AGTPBP1: variants seen among roughly 807,000 people sequenced by gnomAD.
AGTPBP1 encodes the protein ATP/GTP binding carboxypeptidase 1.
AGTPBP1 carries 70 observed loss-of-function variants against 143.9 expected under a neutral mutation model. The ratio of observed to expected loss-of-function variants is 0.49; its 90% CI spans 0.40 to 0.59. AGTPBP1 has a LOEUF of 0.59. AGTPBP1 is among the 20% of genes least tolerant of loss of function. The probability of loss-of-function intolerance (pLI) is 0.00; values close to 1 mark genes in which losing one functional copy is unlikely to be tolerated. For synonymous variants in AGTPBP1, 463 were observed against 500.2 expected, an observed-to-expected ratio of 0.93 and a Z score of 0.99; for missense variants, 1,229 against 1,464.5, an observed-to-expected ratio of 0.84 and a Z score of 2.62.
intron 25 of AGTPBP1, among the ~76,000 whole-genome samples, chr9:85,566,394 G>A (rs1277142968): frequency 6.6e-6 from 1 of 151,930 alleles, no homozygotes; most frequent in Non-Finnish European, 1.5e-5. Flanking sequence ...GCTGGGTGTG[G>A]TGGTATGTGC....
intron 8 of AGTPBP1, among the ~76,000 whole-genome samples, chr9:85,665,830 A>G (rs1834097872): frequency 6.6e-6 from 1 of 152,158 alleles, no homozygotes; most frequent in East Asian, 1.9e-4. Flanking sequence ...AGATATAGTC[A>G]AGTTTGGTGC....
At chr9:85,736,823 G>C (rs1275731780) in intron 1 of AGTPBP1, among the ~76,000 whole-genome samples, 1 of 152,172 alleles carries the variant, frequency 6.6e-6, no homozygotes, top group Non-Finnish European at 1.5e-5. Context: ...TATAAAACAA[G>C]AAAAAGCCAG....
chr9:85,650,970 T>C (rs1314851983), intron 11 of AGTPBP1, among the ~76,000 whole-genome samples: 1 of 152,224 alleles, frequency 6.6e-6, no homozygotes, highest in Non-Finnish European at 1.5e-5. Context: ...GAATAACACA[T>C]ACATATTTGC....
At chr9:85,668,975 G>A (rs879532517) in intron 8 of AGTPBP1, among the ~76,000 whole-genome samples, 3,473 of 67,000 alleles carry the variant, frequency 0.052, 106 homozygotes, top group African/African-American at 0.12. Flanking sequence ...ACATGTGTGT[G>A]TGTGTGTGTG....
chr9:85,689,580 T>G (rs1024135972), intron 3 of AGTPBP1, among the ~76,000 whole-genome samples: 1 of 152,130 alleles, frequency 6.6e-6, no homozygotes, highest in Admixed American at 6.6e-5. Flanking sequence ...TCTCTCTAAC[T>G]AGCATTTTTA....
the AGTPBP1 span, among the ~76,000 whole-genome samples, chr9:85,781,022 CAGG>C: frequency 6.6e-6 from 1 of 152,150 alleles, no homozygotes; most frequent in South Asian, 2.1e-4. Flanking sequence ...GAGGCGGAGG[CAGG>C]AGAATGGTGT....
intron 7 of AGTPBP1, among the ~76,000 whole-genome samples, chr9:85,671,101 C>T (rs1414989703): frequency 6.6e-6 from 1 of 151,640 alleles, no homozygotes; most frequent in Non-Finnish European, 1.5e-5. Flanking sequence ...ATCACCACAA[C>T]TAGCCAATTT....
chr9:85,726,224 T>G (rs1172192090), intron 1 of AGTPBP1, among the ~76,000 whole-genome samples: 1 of 133,178 alleles, frequency 7.5e-6, no homozygotes, highest in African/African-American at 2.8e-5. Context: ...AACAAGACTC[T>G]GTCTCAAAAA....
chr9:85,625,776 T>C (rs535960581), intron 14 of AGTPBP1, among the ~76,000 whole-genome samples: 130 of 151,764 alleles, frequency 8.6e-4, no homozygotes, highest in African/African-American at 3.1e-3. Flanking sequence ...TCCCAGCTAC[T>C]TGGGAGGCTG....
At chr9:85,758,461 A>G in the AGTPBP1 span, among the ~76,000 whole-genome samples, 7 of 152,174 alleles carry the variant, frequency 4.6e-5, no homozygotes, top group African/African-American at 1.4e-4. Flanking sequence ...CCTGACCAAC[A>G]TGGTGAAACC....
chr9:85,603,977 C>A (rs1829834567), intron 17 of AGTPBP1, among the ~76,000 whole-genome samples: 1 of 152,160 alleles, frequency 6.6e-6, no homozygotes, highest in African/African-American at 2.4e-5. Flanking sequence ...CAGAATAGAA[C>A]ACCAAGTAGA....
the AGTPBP1 span, among the ~76,000 whole-genome samples, chr9:85,780,771 T>C: frequency 6.6e-6 from 1 of 152,174 alleles, no homozygotes; most frequent in East Asian, 1.9e-4. Flanking sequence ...GTAACAGATA[T>C]GTGTAACATG....
chr9:85,701,355 G>A (rs190006827), intron 2 of AGTPBP1, among the ~76,000 whole-genome samples: 331 of 151,310 alleles, frequency 2.2e-3, no homozygotes, highest in African/African-American at 7.6e-3. Flanking sequence ...TCAGCCTCCC[G>A]AGTAGCTAGG....
chr9:85,681,745 CTT>C (rs1204253430), intron 3 of AGTPBP1, among the ~76,000 whole-genome samples: 1,844 of 105,716 alleles, frequency 0.017, 6 homozygotes, highest in Middle Eastern at 0.059. Context: ...GCATTAATAT[CTT>C]TTTTTTTTTT....
intron 3 of AGTPBP1, among the ~76,000 whole-genome samples, chr9:85,686,759 A>T (rs1434774109): frequency 2.0e-5 from 3 of 152,204 alleles, no homozygotes; most frequent in Non-Finnish European, 4.4e-5. Flanking sequence ...CTGTAAAAAG[A>T]TGCACATTTT....
At chr9:85,751,508 T>A in the AGTPBP1 span, among the ~76,000 whole-genome samples, 1 of 152,190 alleles carries the variant, frequency 6.6e-6, no homozygotes, top group African/African-American at 2.4e-5. Context: ...ACAGAGAGTA[T>A]GTGAACTGGC....
intron 2 of AGTPBP1, among the ~76,000 whole-genome samples, chr9:85,704,106 T>C (rs1295446426): frequency 6.6e-6 from 1 of 151,972 alleles, no homozygotes; most frequent in African/African-American, 2.4e-5. Context: ...AGACAGGAAA[T>C]AAATGAGGTA....
chr9:85,639,258 A>G (rs1307741581), intron 13 of AGTPBP1, among the ~76,000 whole-genome samples: 1 of 152,190 alleles, frequency 6.6e-6, no homozygotes, highest in Non-Finnish European at 1.5e-5. Context: ...TAAAAACACT[A>G]AACATCAAAA....
At chr9:85,765,141 T>C in the AGTPBP1 span, 182 of 386,038 alleles carry the variant, frequency 4.7e-4, no homozygotes, top group Non-Finnish European at 6.6e-4. Flanking sequence ...GGACATGGCC[T>C]CTTCCTGGCA....
Sources: allele counts gnomAD v4.1 joint callset (sites outside exome capture counted in the v4.1 genomes callset), GRCh38; gene constraint gnomAD v4.1.1; transcripts MANE v1.5; gene names NCBI Gene and HGNC (gene_info 2026-07-23, HGNC 2026-07-21).